Variants in RUNDC3A observed in about 807,000 individuals in gnomAD.
The protein encoded by RUNDC3A is RUN domain-containing protein 3A.
In RUNDC3A, 28 loss-of-function variants were observed where a neutral mutation model predicts 53.9. That is an observed-to-expected ratio of 0.52 (90% confidence interval 0.38 to 0.71). RUNDC3A has a LOEUF of 0.71. Ranked by LOEUF, RUNDC3A falls within the 30% of genes least tolerant of loss-of-function variation. The pLI is 0.00. For missense variants in RUNDC3A, 491 were observed against 597.3 expected, an observed-to-expected ratio of 0.82 and a Z score of 1.85; for synonymous variants, 232 against 249.4, an observed-to-expected ratio of 0.93 and a Z score of 0.66.
At position 44,315,079 on chromosome 17, in the gene RUNDC3A, C is replaced by A. The variant is rs1424887381; in HGVS notation, c.629+70C>A. On this transcript the variant is annotated intron_variant, in intron 6 of 10. Coordinates refer to ENST00000426726, the MANE Select transcript of RUNDC3A (RefSeq NM_001144825.2). The surrounding 1 kb of genome is among the most constrained non-coding windows in gnomAD (Gnocchi z 6.1). The stretch of plus-strand genomic sequence containing the variant: ...GGACATCCTGGGGACGTCCTGGTCC[C>A]ACCGCCCTCAGCGGCCAGCGCAGAC... The A allele has an allele frequency of 6.2e-7, 1 of 1,609,132 alleles. No homozygotes were observed. The highest frequency in any genetic ancestry group is 8.5e-7 in the Non-Finnish European group (1 of 1,178,026).
At chr17:44,310,351 C>T (rs761623565) in intron 1 of RUNDC3A, among the ~76,000 whole-genome samples, 15 of 152,368 alleles carry the variant, frequency 9.8e-5, no homozygotes, top group Non-Finnish European at 1.6e-4. Context: ...GTCCTAATGA[C>T]GCTCTTCCTG....
chr17:44,316,208 C>T (rs1005472262), intron 8 of RUNDC3A, among the ~76,000 whole-genome samples, 177 bp from the exon 9 acceptor site: 3 of 152,272 alleles, frequency 2.0e-5, no homozygotes, highest in South Asian at 2.1e-4. Flanking sequence ...CCCTGTCACC[C>T]CTCCACCCCA....
Position 44,312,648 on chromosome 17 carries a change from T to C in RUNDC3A, c.176T>C (p.Val59Ala). 1 of 1,586,662 alleles carries C rather than the reference T, an allele frequency of 6.3e-7. No homozygotes were observed. The highest frequency in any genetic ancestry group is 1.7e-4 in the Middle Eastern group (1 of 5,984). Residue 59 changes from valine (V) to alanine (A), a missense_variant, in exon 2 of 11, where the codon GTC becomes GCC. Physicochemically the swap from Val to Ala is moderately conservative, Grantham distance 64. Coordinates refer to ENST00000426726, the MANE Select transcript of RUNDC3A (RefSeq NM_001144825.2). ...EPIDDSSEEFVNFAAILEQIL... is the reference protein window; with the variant it reads ...EPIDDSSEEFANFAAILEQIL... ...ATCGATGACTCATCGGAGGAGTTTG[T>C]CAATTTTGCAGCCATTTTAGAGCAG...
At chr17:44,314,684 G>T (rs1037063136) in intron 4 of RUNDC3A, 51 bp from the exon 5 acceptor site, 2 of 1,237,176 alleles carry the variant, frequency 1.6e-6, no homozygotes, top group African/African-American at 1.4e-5. Context: ...TGGGGGGGGG[G>T]GGGGCGCTCC....
chr17:44,309,010 A>ACTGAG, intron 1 of RUNDC3A, 71 bp downstream of exon 1: 4 of 1,060,392 alleles, frequency 3.8e-6, no homozygotes, highest in Non-Finnish European at 5.4e-6. Context: ...GGAAACCCGG[A>ACTGAG]CTGAGCGCTG....
chr17:44,317,353 G>C, intron 10 of RUNDC3A: 1 of 725,132 alleles, frequency 1.4e-6, no homozygotes, highest in Non-Finnish European at 2.6e-6. Flanking sequence ...GGGCTCAGTG[G>C]TTTTTTAGTG....
chr17:44,310,491 G>T (rs930108512), intron 1 of RUNDC3A, among the ~76,000 whole-genome samples: 1 of 152,216 alleles, frequency 6.6e-6, no homozygotes, highest in Non-Finnish European at 1.5e-5. Flanking sequence ...AAGTTGAAGG[G>T]CTGAAGGTGG....
intron 1 of RUNDC3A, chr17:44,310,692 A>G: frequency 1.0e-6 from 1 of 985,426 alleles, no homozygotes; most frequent in African/African-American, 1.7e-5. Context: ...TGCAGCAGCC[A>G]CTGCATCTCC....
At position 44,318,196 on chromosome 17, in the gene RUNDC3A, G is replaced by T. The variant is rs889060807; in HGVS notation, c.1299G>T (p.Val433=). ...GCTTCAAATCCAACGAGTGCCTGGT[G>T]AGCGACAGTCCCGAGGGCAGCCCAG... ...LASFKSNECL[V]SDSPEGSPAL... is the part of the protein sequence containing the mutation. The change falls in exon 11 of 11, where the codon GTG becomes GTT. Residue 433 remains valine (V), a synonymous_variant. Transcript: ENST00000426726. The T allele has an allele frequency of 6.4e-7, 1 of 1,551,402 alleles. No individual in the cohort carries two copies. The highest frequency in any genetic ancestry group is 2.0e-5 in the Admixed American group (1 of 50,998).
Position 44,313,332 on chromosome 17 carries a change from C to A in RUNDC3A, c.372+80C>A, listed in dbSNP as rs1049279391. The A allele has an allele frequency of 4.1e-5, 66 of 1,606,446 alleles. No homozygotes were observed. In the African/African-American group the frequency reaches 8.3e-4, roughly 20 times the overall value. On this transcript the variant is annotated intron_variant, in intron 3 of 10. Coordinates refer to ENST00000426726, the MANE Select transcript of RUNDC3A (RefSeq NM_001144825.2). ...TGTTTCTTGGTTTTTGCCCCCTGTG[C>A]ACAGCCCAGGGGAGAAGGGCCCACA...
Position 44,308,679 on chromosome 17 carries a change from G to T in RUNDC3A, c.-154G>T, listed in dbSNP as rs1473356489. 1 of 469,892 alleles carries T rather than the reference G, an allele frequency of 2.1e-6. No individual in the cohort carries two copies. Among genetic ancestry groups the T allele is most frequent in the East Asian group, 3.5e-5 (1 of 28,900 alleles). 29.1% of individuals were successfully genotyped at this position (469,892 alleles called of 1,614,324 possible). On this transcript the variant is annotated 5_prime_UTR_variant, in exon 1 of 11. Coordinates refer to ENST00000426726, the MANE Select transcript of RUNDC3A (RefSeq NM_001144825.2). The stretch of plus-strand genomic sequence containing the variant: ...ATCGCCGCCGGGGGAGGGAGCGAGG[G>T]GGCCGGGCACCGGGCGCAAAGGCAG...
Position 44,315,507 on chromosome 17 carries a change from C to T in RUNDC3A, c.851C>T (p.Ala284Val). 1 of 1,518,286 alleles carries T rather than the reference C, an allele frequency of 6.6e-7. No individual in the cohort carries two copies. Among genetic ancestry groups the T allele is most frequent in the Non-Finnish European group, 8.8e-7 (1 of 1,133,604 alleles). 94.1% of individuals were successfully genotyped at this position (1,518,286 alleles called of 1,614,324 possible). The change falls in exon 8 of 11, where the codon GCG (alanine) becomes GTG (valine). Residue 284 changes from alanine (A) to valine (V), a missense_variant. Transcript: ENST00000426726. This position sits in a 1 kb window ranked among gnomAD's most constrained non-coding sequence, Gnocchi z 6.1. Reference protein sequence around the residue: ...LRESQLKDLEAENRRLQLQLE... With the variant: ...LRESQLKDLEVENRRLQLQLE... ...GAGTCGCAGCTGAAGGACCTGGAGG[C>T]GGAGAACCGGCGGCTTCAGCTGCAG...
chr17:44,317,477 G>T (rs2047891547), intron 10 of RUNDC3A: 1 of 780,624 alleles, frequency 1.3e-6, no homozygotes, highest in African/African-American at 1.7e-5. Context: ...CTTCTCTTTG[G>T]CTGCCAGGAA....
chr17:44,314,670 G>C, intron 4 of RUNDC3A, 65 bp from the exon 5 acceptor site: 1 of 887,486 alleles, frequency 1.1e-6, no homozygotes, highest in South Asian at 1.5e-5. Context: ...AACAATAGCA[G>C]CTCTGGGGGG....
At chr17:44,314,700 C>T (rs2047821338) in intron 4 of RUNDC3A, 35 bp from the exon 5 acceptor site, 3 of 1,463,530 alleles carry the variant, frequency 2.0e-6, no homozygotes, top group South Asian at 1.2e-5. Context: ...GCTCCAGGGG[C>T]CTGCTGCATC....
chr17:44,311,341 T>C (rs1411794021), intron 1 of RUNDC3A: 11 of 985,410 alleles, frequency 1.1e-5, no homozygotes, highest in Non-Finnish European at 1.3e-5. Context: ...AGGCCACAGA[T>C]GTAGCAGAAA....
At chr17:44,317,181 C>T (rs903662785) in intron 10 of RUNDC3A, 7 of 525,588 alleles carry the variant, frequency 1.3e-5, no homozygotes, top group African/African-American at 1.9e-5. Context: ...GCACAGCAAT[C>T]GAGAGCTTAC....
At chr17:44,312,558 A>G (rs1282407459) in intron 1 of RUNDC3A, 22 bp from the exon 2 acceptor site, 2 of 1,439,096 alleles carry the variant, frequency 1.4e-6, no homozygotes, top group South Asian at 2.5e-5. Context: ...CCACTGCCCC[A>G]TCTCCCCACC....
At position 44,315,173 on chromosome 17, in the gene RUNDC3A, C is replaced by T. The variant is rs373854207; in HGVS notation, c.648C>T (p.Asp216=). ...KFTQSYDYLT[D]EEERHSAESS... Reference sequence around the variant, plus strand: ...TCCCAAGCTACGACTACCTGACGGACGAGGAGGAGCGGCACAGCGCCGAGA... The same window carrying T: ...TCCCAAGCTACGACTACCTGACGGATGAGGAGGAGCGGCACAGCGCCGAGA... Residue 216 remains aspartate, a synonymous_variant, in exon 7 of 11, where the codon GAC becomes GAT. Coordinates refer to ENST00000426726, the MANE Select transcript of RUNDC3A (RefSeq NM_001144825.2). This position sits in a 1 kb window ranked among gnomAD's most constrained non-coding sequence, Gnocchi z 6.1. 2 of 1,566,298 alleles carry T rather than the reference C, an allele frequency of 1.3e-6. No individual in the cohort carries two copies. The highest frequency in any genetic ancestry group is 2.4e-5 in the East Asian group (1 of 41,958).
Sources: allele counts gnomAD v4.1 joint callset (sites outside exome capture counted in the v4.1 genomes callset), GRCh38; gene constraint gnomAD v4.1.1; non-coding constraint Gnocchi (gnomAD v3.1); transcripts MANE v1.5; gene names NCBI Gene and HGNC (gene_info 2026-07-23, HGNC 2026-07-21).